ACTL6A: variants seen among roughly 807,000 people sequenced by gnomAD.
ACTL6A encodes the protein actin like 6A.
A neutral mutation model predicts 59.2 loss-of-function variants in ACTL6A; 5 were observed. The ratio of observed to expected loss-of-function variants is 0.08; its 90% CI spans 0.04 to 0.18. The LOEUF (loss-of-function observed/expected upper bound fraction) is 0.18. ACTL6A is among the 10% of genes least tolerant of loss of function. The pLI is 1.00. For missense variants in ACTL6A, 285 were observed against 526.9 expected, an observed-to-expected ratio of 0.54 and a Z score of 4.49; for synonymous variants, 154 against 171.8, an observed-to-expected ratio of 0.90 and a Z score of 0.81.
At chr3:179,584,311 A>G (rs541350904) in intron 12 of ACTL6A, 2 of 152,352 alleles carry the variant, frequency 1.3e-5, no homozygotes, top group Admixed American at 6.5e-5. Context: ...TAACAGAATG[A>G]CAGTTATAAT....
At chr3:179,571,832 T>C (rs1718017404) in intron 3 of ACTL6A, among the ~76,000 whole-genome samples, 1 of 152,184 alleles carries the variant, frequency 6.6e-6, no homozygotes, top group African/African-American at 2.4e-5. Flanking sequence ...CAAACCACAT[T>C]GTATAAACAG....
chr3:179,571,070 T>A (rs566905682), intron 3 of ACTL6A, among the ~76,000 whole-genome samples: 33 of 151,976 alleles, frequency 2.2e-4, no homozygotes, highest in Non-Finnish European at 4.1e-4. Context: ...GAACAGAGAG[T>A]ACCATGCATT....
intron 10 of ACTL6A, 27 bp from the exon 11 acceptor site, chr3:179,581,113 G>GTGAC: frequency 6.2e-7 from 1 of 1,609,936 alleles, no homozygotes; most frequent in Non-Finnish European, 8.5e-7. Context: ...GAGCTTCCAT[G>GTGAC]TGACTACTTG....
At chr3:179,569,949 A>G (rs139340441) in intron 2 of ACTL6A, 49 bp downstream of exon 2, 15 of 1,586,974 alleles carry the variant, frequency 9.5e-6, no homozygotes, top group Non-Finnish European at 1.2e-5. Flanking sequence ...ATTCATGTAA[A>G]TTAAATTTAT....
intron 3 of ACTL6A, 110 bp from the exon 4 acceptor site, chr3:179,573,259 G>T: frequency 1.5e-6 from 1 of 658,960 alleles, no homozygotes; most frequent in East Asian, 3.2e-5. Flanking sequence ...AAATCAGTAG[G>T]TTCTGTATAC....
Position 179,570,003 on chromosome 3 carries a change from T to G in ACTL6A, c.103-64T>G. The stretch of plus-strand genomic sequence containing the variant: ...AACAAAATATAATAAAATACATTAA[T>G]TGGGGAAAAAATGCCTTCTTGATGA... On this transcript the variant is annotated intron_variant, in intron 2 of 13. Transcript: ENST00000429709. The surrounding 1 kb of genome is among the most constrained non-coding windows in gnomAD (Gnocchi z 4.3). 6.3e-7 allele frequency: 1 copy of G among 1,579,452 alleles called. No homozygotes were observed. Among genetic ancestry groups the G allele is most frequent in the Admixed American group, 1.9e-5 (1 of 53,920 alleles).
At chr3:179,579,453 T>TACAC (rs1477872220) in intron 8 of ACTL6A, among the ~76,000 whole-genome samples, 85 of 55,278 alleles carry the variant, frequency 1.5e-3, no homozygotes, top group East Asian at 8.3e-3. Context: ...ATTTATATCA[T>TACAC]ATACACACAC....
intron 5 of ACTL6A, chr3:179,575,066 C>T (rs910016366): frequency 4.6e-6 from 1 of 216,944 alleles, no homozygotes; most frequent in Non-Finnish European, 9.3e-6. Flanking sequence ...TGCTCTCGAA[C>T]TCCTGGACTC....
At chr3:179,569,203 A>G (rs1419677317) in intron 1 of ACTL6A, among the ~76,000 whole-genome samples, 2 of 152,192 alleles carry the variant, frequency 1.3e-5, no homozygotes, top group Non-Finnish European at 2.9e-5. Context: ...CCCTCTACTA[A>G]AAGTCACAGC....
At chr3:179,576,958 G>T in intron 8 of ACTL6A, 45 bp downstream of exon 8, 1 of 1,520,736 alleles carries the variant, frequency 6.6e-7, no homozygotes, top group Non-Finnish European at 9.0e-7. Context: ...CAGGCTTTTT[G>T]CATGAGTATT....
At chr3:179,573,976 A>G (rs1279627830) in intron 4 of ACTL6A, among the ~76,000 whole-genome samples, 1 of 152,220 alleles carries the variant, frequency 6.6e-6, no homozygotes, top group African/African-American at 2.4e-5. Flanking sequence ...ACTAACTTAC[A>G]GTATTCTTTT....
intron 3 of ACTL6A, 59 bp from the exon 4 acceptor site, chr3:179,573,310 A>C (rs1718067596): frequency 5.2e-6 from 6 of 1,149,824 alleles, no homozygotes; most frequent in Non-Finnish European, 6.2e-6. Flanking sequence ...ATTTCTCAAA[A>C]GATGCTATAT....
chr3:179,569,878 A>G lies in ACTL6A; in HGVS notation c.80A>G (p.Tyr27Cys). ...DIGSYTVRAGYAGEDCPKVDF... is the reference protein window; with the variant it reads ...DIGSYTVRAGCAGEDCPKVDF... ...GGATCCTATACTGTGAGAGCTGGTT[A>G]TGCTGGTGAGGACTGCCCCAAGGTA... Residue 27 changes from tyrosine to cysteine, a missense_variant, in exon 2 of 14, where the codon TAT becomes TGT. Coordinates refer to ENST00000429709, the MANE Select transcript of ACTL6A (RefSeq NM_004301.5). 1 of 1,614,192 alleles carries G rather than the reference A, an allele frequency of 6.2e-7. No homozygotes were observed. Among genetic ancestry groups the G allele is most frequent in the Non-Finnish European group, 8.5e-7 (1 of 1,180,010 alleles).
intron 1 of ACTL6A, among the ~76,000 whole-genome samples, chr3:179,568,962 C>G (rs1717920487): frequency 6.6e-6 from 1 of 152,188 alleles, no homozygotes; most frequent in Admixed American, 6.5e-5. Context: ...GTTGAACATT[C>G]TTTTGCATGT....
intron 4 of ACTL6A, 162 bp from the exon 5 acceptor site, chr3:179,574,207 GT>G (rs1165292001): frequency 2.9e-5 from 12 of 419,856 alleles, no homozygotes; most frequent in South Asian, 2.3e-4. Context: ...TATTATAGAG[GT>G]TTTTTTATTT....
Position 179,588,086 on chromosome 3 carries a change from AC to A in ACTL6A, c.*78del. On this transcript the variant is annotated 3_prime_UTR_variant, in exon 14 of 14. Coordinates refer to ENST00000429709, the MANE Select transcript of ACTL6A (RefSeq NM_004301.5). Reference sequence around the variant, plus strand: ...CTTTAGTATACTCAGGAAAAGAATGACCATCTTTTGTAGAATGTTTATACAT... The same window carrying A: ...CTTTAGTATACTCAGGAAAAGAATGACATCTTTTGTAGAATGTTTATACAT... 9.0e-7 allele frequency: 1 copy of A among 1,112,742 alleles called. No homozygotes were observed. The highest frequency in any genetic ancestry group is 1.3e-6 in the Non-Finnish European group (1 of 795,148). 68.9% of individuals were successfully genotyped at this position (1,112,742 alleles called of 1,614,324 possible). A position where few individuals can be genotyped will look rare whatever the true frequency, so the allele number is the denominator to read the frequency against.
Position 179,569,904 on chromosome 3 carries a change from A to G in ACTL6A, c.102+4A>G. ...TGCTGGTGAGGACTGCCCCAAGGTA[A>G]GTGTAATGTTAGAGTTAATTGGATA... On this transcript the variant is annotated splice_donor_region_variant and intron_variant, in intron 2 of 13. Transcript: ENST00000429709. The G allele has an allele frequency of 1.2e-6, 2 of 1,613,514 alleles. No individual in the cohort carries two copies. Among genetic ancestry groups the G allele is most frequent in the Non-Finnish European group, 1.7e-6 (2 of 1,179,522 alleles).
intron 12 of ACTL6A, among the ~76,000 whole-genome samples, chr3:179,585,424 A>G (rs1223591631): frequency 1.3e-5 from 2 of 152,218 alleles, no homozygotes; most frequent in Non-Finnish European, 2.9e-5. Flanking sequence ...ATTAGATTTC[A>G]TAGAAAGTCC....
chr3:179,586,828 C>T, intron 13 of ACTL6A, 196 bp downstream of exon 13: 1 of 526,540 alleles, frequency 1.9e-6, no homozygotes, highest in South Asian at 2.6e-5. Flanking sequence ...GGACATTTGT[C>T]AGCCTAATTT....
Sources: gnomAD v4.1 joint callset for allele counts (sites outside exome capture counted in the v4.1 genomes callset) on GRCh38, gnomAD v4.1.1 for gene constraint, Gnocchi (gnomAD v3.1) non-coding constraint, MANE v1.5 for transcripts, NCBI Gene and HGNC (gene_info 2026-07-23, HGNC 2026-07-21) for gene names.